Variants in CEBPZ observed in about 807,000 individuals in gnomAD.
The protein encoded by CEBPZ is CCAAT enhancer binding protein zeta.
In CEBPZ, 78 loss-of-function variants were observed where a neutral mutation model predicts 104.5. The observed-to-expected ratio is 0.75, with a 90% CI of 0.62 to 0.90. The LOEUF (loss-of-function observed/expected upper bound fraction) is 0.90. Ranked by LOEUF, CEBPZ falls within the 40% of genes least tolerant of loss-of-function variation. CEBPZ has a pLI of 0.00. For missense variants in CEBPZ, 1,439 were observed against 1,233.5 expected (o/e 1.17, Z -2.50); for synonymous variants, 470 against 427.0 (o/e 1.10, Z -1.24).
chr2:37,224,469 C>T (rs186076849), intron 2 of CEBPZ, among the ~76,000 whole-genome samples: 2 of 152,332 alleles, frequency 1.3e-5, no homozygotes, highest in East Asian at 3.9e-4. Context: ...TTGTGAAGCA[C>T]TTTCCTATTG....
At chr2:37,212,795 G>GATC (rs2148349957) in intron 10 of CEBPZ, 1 of 141,610 alleles carries the variant, frequency 7.1e-6, no homozygotes, top group Admixed American at 7.7e-5. Flanking sequence ...GAGGTGGAGT[G>GATC]ATCATCAGCC....
At chr2:37,208,145 G>C (rs114825901) in intron 13 of CEBPZ, among the ~76,000 whole-genome samples, 3,868 of 152,206 alleles carry the variant, frequency 0.025, 81 homozygotes, top group Middle Eastern at 0.054. Flanking sequence ...TAGCACGACT[G>C]AAACAGTAAT....
At position 37,228,058 on chromosome 2, in the gene CEBPZ, C is replaced by G. The variant is rs761472551; in HGVS notation, c.1135G>C (p.Glu379Gln). The G allele has an allele frequency of 6.2e-7, 1 of 1,614,060 alleles. No homozygotes were observed. The highest frequency in any genetic ancestry group is 8.5e-7 in the Non-Finnish European group (1 of 1,180,018). ...AHELLCNKPE[E>Q]EKALLVQVVN... ...ACTTGCACAAGAAGAGCCTTTTCTTCCTCAGGCTTGTTACAAAGCAGCTCA... is the reference window on the plus strand; with the variant it reads ...ACTTGCACAAGAAGAGCCTTTTCTTGCTCAGGCTTGTTACAAAGCAGCTCA... The change falls in exon 2 of 16, where the codon GAA becomes CAA. Residue 379 changes from glutamate to glutamine, a missense_variant. Glu to Gln is a conservative substitution (Grantham distance 29). Coordinates refer to ENST00000234170, the MANE Select transcript of CEBPZ (RefSeq NM_005760.3).
chr2:37,212,129 G>T (rs958486461), intron 11 of CEBPZ, 90 bp from the exon 12 acceptor site: 13 of 1,163,614 alleles, frequency 1.1e-5, no homozygotes, highest in South Asian at 1.5e-5. Context: ...GCTATTAAAT[G>T]ACTCAGAAGG....
rs1385398481 is a variant in CEBPZ at position 37,201,707 on chromosome 2, T to A, written c.*57A>T. 9.3e-7 allele frequency: 1 copy of A among 1,073,842 alleles called. No homozygotes were observed. Among genetic ancestry groups the A allele is most frequent in the Admixed American group, 2.0e-5 (1 of 50,468 alleles). The allele number at this position is 1,073,842 out of a possible 1,614,324, so 66.5% of individuals were successfully genotyped here. On this transcript the variant is annotated 3_prime_UTR_variant, in exon 16 of 16. Transcript: ENST00000234170. ...CAGAGAGCTAGATCAAAAAACATGG[T>A]TGAACAGCAAAAATTAGATGTAAGT...
chr2:37,220,996 C>T (rs960878846), intron 4 of CEBPZ, among the ~76,000 whole-genome samples: 1 of 151,892 alleles, frequency 6.6e-6, no homozygotes, highest in African/African-American at 2.4e-5. Context: ...GACCCTGACT[C>T]AAAAATAAGT....
intron 5 of CEBPZ, among the ~76,000 whole-genome samples, chr2:37,219,697 A>G (rs72875738): frequency 0.012 from 1,761 of 152,336 alleles, 35 homozygotes; most frequent in African/African-American, 0.041. Flanking sequence ...AGTCACAGAA[A>G]GGTTATTAAA....
At chr2:37,213,404 A>AT (rs1192656623) in intron 10 of CEBPZ, 1 of 153,146 alleles carries the variant, frequency 6.5e-6, no homozygotes, top group African/African-American at 2.4e-5. Flanking sequence ...TATCATAAAA[A>AT]TATTTGTTTC....
chr2:37,210,748 G>C (rs1466265733), intron 13 of CEBPZ: 1 of 377,708 alleles, frequency 2.6e-6, no homozygotes, highest in Admixed American at 4.4e-5. Flanking sequence ...CACCCTACCT[G>C]TTCCCCAAAA....
chr2:37,211,640 G>A (rs1677723406), intron 12 of CEBPZ: 14 of 485,114 alleles, frequency 2.9e-5, no homozygotes, highest in Non-Finnish European at 5.0e-5. Context: ...AGCTCAAAAA[G>A]CTGCTTAAAA....
At chr2:37,215,048 A>T in intron 8 of CEBPZ, 96 bp from the exon 9 acceptor site, 1 of 801,592 alleles carries the variant, frequency 1.2e-6, no homozygotes, top group Non-Finnish European at 2.1e-6. Flanking sequence ...CTGTAATTCT[A>T]AAAATCTCAG....
chr2:37,220,035 T>C (rs1188498908), intron 5 of CEBPZ, among the ~76,000 whole-genome samples: 5 of 152,072 alleles, frequency 3.3e-5, no homozygotes, highest in South Asian at 2.1e-4. Context: ...ATATACAGCA[T>C]AGGCCGGGCG....
In CEBPZ at chr2:37,211,975, C is replaced by T; in HGVS notation, c.2668G>A (p.Asp890Asn). ...NTLDEDSEGS[D>N]DELGNLDDDE... Reference sequence around the variant, plus strand: ...TCATCCAGGTTACCAAGTTCATCATCACTACCTTCTGAATCTTCATCTAAT... The same window carrying T: ...TCATCCAGGTTACCAAGTTCATCATTACTACCTTCTGAATCTTCATCTAAT... The change falls in exon 12 of 16, where the codon GAT becomes AAT. Residue 890 changes from aspartate (D) to asparagine (N), a missense_variant. Coordinates refer to ENST00000234170, the MANE Select transcript of CEBPZ (RefSeq NM_005760.3). The T allele has an allele frequency of 6.2e-7, 1 of 1,613,346 alleles. No individual in the cohort carries two copies. The highest frequency in any genetic ancestry group is 8.5e-7 in the Non-Finnish European group (1 of 1,179,754).
chr2:37,222,599 C>A, intron 3 of CEBPZ, 36 bp from the exon 4 acceptor site: 1 of 1,459,730 alleles, frequency 6.9e-7, no homozygotes. Flanking sequence ...CTACATAAAT[C>A]AACTGGAAGT....
chr2:37,230,623 C>A (rs920360344), intron 1 of CEBPZ, among the ~76,000 whole-genome samples: 1 of 152,210 alleles, frequency 6.6e-6, no homozygotes, highest in Non-Finnish European at 1.5e-5. Flanking sequence ...TTAAAATCTT[C>A]CAGTGGTTTT....
Position 37,227,746 on chromosome 2 carries a change from G to A in CEBPZ, c.1447C>T (p.Leu483Phe). ...TTCACACCTGTTAAAAGGGCGCTAAGCATTTTTGATTCAACATCTTTTTTT... is the reference window on the plus strand; with the variant it reads ...TTCACACCTGTTAAAAGGGCGCTAAACATTTTTGATTCAACATCTTTTTTT... The part of the protein sequence containing the change: ...VKKKDVESKM[L>F]SALLTGVNRA... Residue 483 changes from leucine (L) to phenylalanine (F), a missense_variant, in exon 2 of 16, where the codon CTT becomes TTT. Physicochemically the swap from Leu to Phe is conservative, Grantham distance 22 (BLOSUM62 0). Coordinates refer to ENST00000234170, the MANE Select transcript of CEBPZ (RefSeq NM_005760.3). The A allele has an allele frequency of 1.2e-6, 2 of 1,613,884 alleles. No individual in the cohort carries two copies. Among genetic ancestry groups the A allele is most frequent in the African/African-American group, 1.3e-5 (1 of 74,962 alleles).
At chr2:37,202,019 AC>A (rs771586546) in intron 15 of CEBPZ, 116 bp from the exon 16 acceptor site, 7 of 820,592 alleles carry the variant, frequency 8.5e-6, no homozygotes, top group Non-Finnish European at 1.3e-5. Flanking sequence ...GTGGTTTCCC[AC>A]CCACTATACA....
intron 15 of CEBPZ, 91 bp downstream of exon 15, chr2:37,202,669 AAAAAAAAAAAAAAAAAAAAAAAAG>A (rs1229439734): frequency 3.4e-4 from 45 of 134,190 alleles, no homozygotes; most frequent in African/African-American, 1.5e-3. Flanking sequence ...AAAAAAAAAA[AAAAAAAAAAAAAAAAAAAAAAAAG>A]AATAAATAAA....
At chr2:37,211,170 T>C (rs933663180) in intron 12 of CEBPZ, 88 bp from the exon 13 acceptor site, 7 of 861,340 alleles carry the variant, frequency 8.1e-6, no homozygotes, top group African/African-American at 3.4e-5. Context: ...ATCTTTATTC[T>C]GATGGTAAGG....
Sources: allele counts gnomAD v4.1 joint callset (sites outside exome capture counted in the v4.1 genomes callset), GRCh38; gene constraint gnomAD v4.1.1; transcripts MANE v1.5; gene names NCBI Gene and HGNC (gene_info 2026-07-23, HGNC 2026-07-21).